CCDC7: variants seen among roughly 807,000 people sequenced by gnomAD.
CCDC7 encodes the protein coiled-coil domain containing 7.
A neutral mutation model predicts 196.9 loss-of-function variants in CCDC7; 183 were observed. The ratio of observed to expected loss-of-function variants is 0.93; its 90% CI spans 0.82 to 1.05. The LOEUF (loss-of-function observed/expected upper bound fraction) is 1.05, where lower values mean the gene tolerates loss of function less well. CCDC7 is among the 50% of genes least tolerant of loss of function. The pLI is 0.00. For synonymous variants in CCDC7, 525 were observed against 484.6 expected, an observed-to-expected ratio of 1.08 and a Z score of -1.10; for missense variants, 1,540 against 1,482.2, an observed-to-expected ratio of 1.04 and a Z score of -0.64.
intron 41 of CCDC7, 89 bp downstream of exon 42, chr10:32,854,578 C>A: frequency 2.4e-6 from 2 of 837,156 alleles, no homozygotes; most frequent in Non-Finnish European, 3.7e-6. Flanking sequence ...AACCTCTGGG[C>A]TTCCTTCTTC....
chr10:32,603,867 G>A (rs1238544587), intron 18 of CCDC7, among the ~76,000 whole-genome samples: 8 of 152,018 alleles, frequency 5.3e-5, no homozygotes, highest in Non-Finnish European at 1.2e-4. Flanking sequence ...CTTGTTGAAG[G>A]AATAGTTTGC....
At chr10:32,451,593 G>A, upstream of CCDC7, 1 of 1,523,306 alleles carries the variant, frequency 6.6e-7, no homozygotes, top group Non-Finnish European at 8.8e-7. Context: ...TTTTCACAGG[G>A]AGGAATAAGT....
chr10:32,749,311 C>T (rs534366287), intron 28 of CCDC7, among the ~76,000 whole-genome samples: 28 of 152,296 alleles, frequency 1.8e-4, no homozygotes, highest in Non-Finnish European at 3.5e-4. Flanking sequence ...TTTTTATCTT[C>T]CTTACCTCAG....
At chr10:32,801,670 G>T (rs945051342) in intron 29 of CCDC7, among the ~76,000 whole-genome samples, 1 of 152,172 alleles carries the variant, frequency 6.6e-6, no homozygotes, top group Non-Finnish European at 1.5e-5. Flanking sequence ...CTAATTATAG[G>T]TCTAGAAGCA....
At chr10:32,880,046 C>G (rs1439763826), downstream of CCDC7, among the ~76,000 whole-genome samples, 2 of 152,030 alleles carry the variant, frequency 1.3e-5, no homozygotes, top group African/African-American at 4.8e-5. Context: ...GAATGATTTA[C>G]ATTCCTTTGG....
intron 29 of CCDC7, among the ~76,000 whole-genome samples, chr10:32,788,256 G>T (rs1196801186): frequency 2.0e-5 from 3 of 152,116 alleles, no homozygotes; most frequent in Admixed American, 1.3e-4. Context: ...CTCCAAGCCT[G>T]CCCCATTGTC....
Position 32,527,442 on chromosome 10 carries a change from T to C in CCDC7, c.993+8937T>C, listed in dbSNP as rs142968860. 5.9e-3 allele frequency among the ~76,000 whole-genome samples: 905 copies of C among 152,200 alleles called. 9 individuals carry two copies. Among genetic ancestry groups the C allele is most frequent in the African/African-American group, 0.021 (863 of 41,508 alleles). On this transcript the variant is annotated intron_variant, in intron 11 of 41. Coordinates refer to ENST00000639629, the Ensembl canonical transcript of CCDC7. Reference sequence around the variant, plus strand: ...CCTGTGTGTAGATAGTTGTTAAAATTTGGTGTTCCAACAGAGGGGACGAAC... The same window carrying C: ...CCTGTGTGTAGATAGTTGTTAAAATCTGGTGTTCCAACAGAGGGGACGAAC...
chr10:32,543,751 T>C (rs577227919), intron 12 of CCDC7, among the ~76,000 whole-genome samples: 16 of 152,206 alleles, frequency 1.1e-4, no homozygotes, highest in African/African-American at 3.8e-4. Flanking sequence ...CTGTACTTAT[T>C]AATTGTATTA....
At chr10:32,462,218 C>T (rs12413694) in intron 3 of CCDC7, among the ~76,000 whole-genome samples, 13,037 of 151,968 alleles carry the variant, frequency 0.086, 884 homozygotes, top group South Asian at 0.25. Flanking sequence ...GCCAGGAGTT[C>T]GAGACCAGCC....
In CCDC7 at chr10:32,705,258, A is replaced by G. The variant is rs146175712; in HGVS notation, c.2459-6362A>G. Among the ~76,000 whole-genome samples, 1,212 of 152,202 alleles carry G rather than the reference A, an allele frequency of 8.0e-3. 17 individuals carry two copies. The highest frequency in any genetic ancestry group is 0.02 in the Middle Eastern group (6 of 294). ...AGGAGAAATAAAATCCTTTACAGACAAGCAAGTAGTGAGAGATTTTGTCGC... is the reference window on the plus strand; with the variant it reads ...AGGAGAAATAAAATCCTTTACAGACGAGCAAGTAGTGAGAGATTTTGTCGC... On this transcript the variant is annotated intron_variant, in intron 24 of 41. Transcript: ENST00000639629.
chr10:32,828,745 A>G (rs2091773257), intron 32 of CCDC7, among the ~76,000 whole-genome samples: 2 of 152,170 alleles, frequency 1.3e-5, no homozygotes, highest in African/African-American at 4.8e-5. Context: ...CTGAATCAGC[A>G]TCCAATATAT....
At chr10:32,562,623 T>G (rs1282116735) in intron 13 of CCDC7, among the ~76,000 whole-genome samples, 2 of 152,064 alleles carry the variant, frequency 1.3e-5, no homozygotes, top group Non-Finnish European at 2.9e-5. Flanking sequence ...AAAAACTCAA[T>G]AAATTAGGTA....
intron 28 of CCDC7, among the ~76,000 whole-genome samples, chr10:32,775,904 G>A (rs1347668150): frequency 2.6e-5 from 4 of 151,036 alleles, no homozygotes; most frequent in African/African-American, 4.9e-5. Flanking sequence ...ATGATAGACT[G>A]GATTAAGAAA....
intron 41 of CCDC7, among the ~76,000 whole-genome samples, chr10:32,873,202 C>T (rs1468767781): frequency 1.3e-5 from 2 of 152,238 alleles, no homozygotes; most frequent in Admixed American, 6.5e-5. Context: ...GGTCTTTTCA[C>T]ATAGTCCCAT....
intron 8 of CCDC7, among the ~76,000 whole-genome samples, chr10:32,477,870 A>C (rs1262620143): frequency 6.6e-6 from 1 of 152,214 alleles, no homozygotes; most frequent in African/African-American, 2.4e-5. Context: ...GGTATCCAAA[A>C]AATACCTTGC....
Position 32,736,497 on chromosome 10 carries a change from G to A in CCDC7, c.2905+7040G>A, listed in dbSNP as rs903766012. ...GCTGGTGCGCTGCCCCCACTAACTC[G>A]TCATCTAGCATTAGGTATATCTCCC... On this transcript the variant is annotated intron_variant, in intron 28 of 41. Coordinates refer to ENST00000639629, the Ensembl canonical transcript of CCDC7. Among the ~76,000 whole-genome samples, 35 of 151,836 alleles carry A rather than the reference G, an allele frequency of 2.3e-4. 1 individual carries two copies. The highest frequency in any genetic ancestry group is 7.7e-4 in the African/African-American group (32 of 41,390).
At chr10:32,753,301 G>A (rs1480073675) in intron 28 of CCDC7, among the ~76,000 whole-genome samples, 1 of 152,058 alleles carries the variant, frequency 6.6e-6, no homozygotes, top group Non-Finnish European at 1.5e-5. Flanking sequence ...AATAAGTTTG[G>A]AATGTGGTCA....
At chr10:32,788,369 T>C (rs1373299021) in intron 29 of CCDC7, among the ~76,000 whole-genome samples, 1 of 152,192 alleles carries the variant, frequency 6.6e-6, no homozygotes, top group Non-Finnish European at 1.5e-5. Context: ...GCTTTATTCC[T>C]GAGTTCAGAC....
chr10:32,767,470 A>T (rs147439747), intron 28 of CCDC7, among the ~76,000 whole-genome samples: 80 of 152,274 alleles, frequency 5.3e-4, no homozygotes, highest in African/African-American at 1.8e-3. Flanking sequence ...CCAAAATAGA[A>T]CAAGTATCTA....
Sources: gnomAD v4.1 joint callset for allele counts (sites outside exome capture counted in the v4.1 genomes callset) on GRCh38, gnomAD v4.1.1 for gene constraint, MANE v1.5 for transcripts, NCBI Gene and HGNC (gene_info 2026-07-23, HGNC 2026-07-21) for gene names.